The following TAF1B variants were observed in gnomAD, a reference collection of about 807,000 sequenced individuals.
TAF1B encodes TATA-box binding protein associated factor, RNA polymerase I subunit B.
A neutral mutation model predicts 83.9 loss-of-function variants in TAF1B; 61 were observed. The ratio of observed to expected loss-of-function variants is 0.73; its 90% CI spans 0.59 to 0.90. The LOEUF (loss-of-function observed/expected upper bound fraction) is 0.90. Ranked by LOEUF, TAF1B falls within the 40% of genes least tolerant of loss-of-function variation. The probability of loss-of-function intolerance (pLI) is 0.00; values close to 1 mark genes in which losing one functional copy is unlikely to be tolerated. For synonymous variants in TAF1B, 221 were observed against 224.6 expected (o/e 0.98, Z 0.14); for missense variants, 625 against 677.0 (o/e 0.92, Z 0.85).
intron 9 of TAF1B, among the ~76,000 whole-genome samples, chr2:9,907,461 G>A (rs749206523): frequency 1.1e-4 from 16 of 152,042 alleles, no homozygotes; most frequent in South Asian, 4.2e-4. Flanking sequence ...AGCTAAAAGC[G>A]GTTTTAAACA....
intron 6 of TAF1B, among the ~76,000 whole-genome samples, chr2:9,872,011 G>A (rs1397220235): frequency 6.6e-6 from 1 of 152,126 alleles, no homozygotes; most frequent in Admixed American, 6.5e-5. Context: ...GGCATCACTT[G>A]GCTGCATGGA....
At position 9,882,813 on chromosome 2, in the gene TAF1B, A is replaced by G. The variant is rs918901569; in HGVS notation, c.807+8A>G. On this transcript the variant is annotated splice_region_variant and intron_variant, in intron 8 of 14. Transcript: ENST00000263663. Reference sequence around the variant, plus strand: ...GGAATCTTTGGTATAGAGGTAAGTTATTTTCTTTTTTACTTTCTAGTCTCT... The same window carrying G: ...GGAATCTTTGGTATAGAGGTAAGTTGTTTTCTTTTTTACTTTCTAGTCTCT... The G allele has an allele frequency of 1.9e-6, 3 of 1,577,146 alleles. No individual in the cohort carries two copies. In the African/African-American group the frequency reaches 4.1e-5, roughly 21 times the overall value.
Position 9,849,409 on chromosome 2 carries a change from A to G in TAF1B, c.154A>G (p.Asn52Asp). ...AGTTACAAACACTGATCTTATTCCT[A>G]ATACCCAAATAAAAGCCCTCAACCG... The part of the protein sequence containing the change: ...QEVTNTDLIP[N>D]TQIKALNRGL... Residue 52 changes from asparagine to aspartate, a missense_variant, in exon 3 of 15, where the codon AAT becomes GAT. Coordinates refer to ENST00000263663, the MANE Select transcript of TAF1B (RefSeq NM_005680.3). 1.3e-6 allele frequency: 2 copies of G among 1,597,840 alleles called. No homozygotes were observed. The highest frequency in any genetic ancestry group is 1.7e-5 in the Admixed American group (1 of 57,404).
rs1362133538 is a variant in TAF1B, at chr2:9,905,372, CATT to C, written c.955+374_955+376del. On this transcript the variant is annotated intron_variant, in intron 9 of 14. Coordinates refer to ENST00000263663, the MANE Select transcript of TAF1B (RefSeq NM_005680.3). ...ACGGCACTTTTTAATTTGCATGAGG[CATT>C]ATTATTACATAATGAATTCTAATTT... Among the ~76,000 whole-genome samples the C allele has an allele frequency of 5.3e-5, 8 of 152,222 alleles. No individual in the cohort carries two copies. In the East Asian group the frequency reaches 1.5e-3, roughly 29 times the overall value.
At chr2:9,897,610 G>A (rs1337007744) in intron 8 of TAF1B, among the ~76,000 whole-genome samples, 1 of 152,180 alleles carries the variant, frequency 6.6e-6, no homozygotes, top group East Asian at 1.9e-4. Flanking sequence ...ATTTTGCTTG[G>A]AGCAATCTTA....
chr2:9,912,624 G>A (rs1028048541), intron 11 of TAF1B, among the ~76,000 whole-genome samples: 8 of 152,304 alleles, frequency 5.3e-5, no homozygotes, highest in Non-Finnish European at 8.8e-5. Flanking sequence ...CTCCCTGTAA[G>A]CCTCAAAATA....
chr2:9,852,133 C>G (rs1663416023), intron 4 of TAF1B: 1 of 425,260 alleles, frequency 2.4e-6, no homozygotes, highest in African/African-American at 2.0e-5. Context: ...GAAAAAACAC[C>G]AATCACTGGA....
chr2:9,931,220 C>G (rs1418585385), intron 14 of TAF1B, among the ~76,000 whole-genome samples: 2 of 152,224 alleles, frequency 1.3e-5, no homozygotes, highest in Non-Finnish European at 2.9e-5. Flanking sequence ...ATGATGTTAG[C>G]TGGTTATTTT....
At chr2:9,855,700 A>G (rs1663542738) in intron 5 of TAF1B, among the ~76,000 whole-genome samples, 1 of 152,140 alleles carries the variant, frequency 6.6e-6, no homozygotes, top group Non-Finnish European at 1.5e-5. Context: ...AAGAAAATGC[A>G]TTTAATATAC....
intron 14 of TAF1B, among the ~76,000 whole-genome samples, chr2:9,931,508 T>C (rs1666211080): frequency 6.6e-6 from 1 of 152,244 alleles, no homozygotes; most frequent in South Asian, 2.1e-4. Context: ...CGCTTTCTTC[T>C]GGCTTGTAGA....
At chr2:9,929,129 G>A (rs983753911) in intron 14 of TAF1B, among the ~76,000 whole-genome samples, 6 of 142,670 alleles carry the variant, frequency 4.2e-5, no homozygotes, top group Non-Finnish European at 7.6e-5. Flanking sequence ...AGGTGGTTTT[G>A]TCATTGGTTC....
rs1414003584 is a variant in TAF1B at position 9,910,827 on chromosome 2, A to C, written c.1047A>C (p.Ala349=). The C allele has an allele frequency of 1.2e-5, 20 of 1,613,744 alleles. No homozygotes were observed. The highest frequency in any genetic ancestry group is 1.7e-5 in the Non-Finnish European group (20 of 1,179,770). Residue 349 remains alanine, a synonymous_variant, in exon 10 of 15, where the codon GCA becomes GCC. Coordinates refer to ENST00000263663, the MANE Select transcript of TAF1B (RefSeq NM_005680.3). The part of the protein sequence containing the change: ...FLTFDPIAKM[A]KTVKYDVQAV... The stretch of plus-strand genomic sequence containing the variant: ...CATTTGATCCTATAGCTAAAATGGC[A>C]AAAACTGTTAAGTACGATGTACAAG...
intron 8 of TAF1B, among the ~76,000 whole-genome samples, chr2:9,899,893 A>T (rs908104019): frequency 1.3e-5 from 2 of 152,184 alleles, no homozygotes; most frequent in East Asian, 3.9e-4. Context: ...GCATTGTACT[A>T]TGAATATTTT....
rs186633446 is a variant in TAF1B, at chr2:9,928,383, C to T, written c.1566-5400C>T. ...GTTCCATATGAACTTTAGTTTTTTC[C>T]AGTTCTGTGAAGAAAGTCATTGGTA... On this transcript the variant is annotated intron_variant, in intron 14 of 14. Transcript: ENST00000263663. Among the ~76,000 whole-genome samples the T allele has an allele frequency of 2.5e-3, 385 of 152,122 alleles. 3 individuals carry two copies. The highest frequency in any genetic ancestry group is 9.0e-3 in the African/African-American group (373 of 41,492).
At chr2:9,933,640 C>T (rs1194274254) in intron 14 of TAF1B, 143 bp from the exon 15 acceptor site, 3 of 660,262 alleles carry the variant, frequency 4.5e-6, no homozygotes, top group Non-Finnish European at 7.6e-6. Context: ...ACAAATTCTT[C>T]TAAGTTTCCT....
At chr2:9,917,003 T>G (rs1277097834) in intron 12 of TAF1B, among the ~76,000 whole-genome samples, 3 of 152,016 alleles carry the variant, frequency 2.0e-5, no homozygotes, top group Non-Finnish European at 4.4e-5. Context: ...TGTGCCACCA[T>G]GCCCAACTAA....
rs1327398359 is a variant in TAF1B, at chr2:9,846,626, C to A, written c.117+1308C>A. Among the ~76,000 whole-genome samples the A allele has an allele frequency of 2.0e-5, 3 of 152,344 alleles. No individual in the cohort carries two copies. The East Asian group carries it at 5.8e-4, about 29-fold the overall frequency. Reference sequence around the variant, plus strand: ...AAATGAGTAAAAGGAAAAACATTTTCCCTTGACAAAACTGGTGAATTGAGC... The same window carrying A: ...AAATGAGTAAAAGGAAAAACATTTTACCTTGACAAAACTGGTGAATTGAGC... On this transcript the variant is annotated intron_variant, in intron 2 of 14. Coordinates refer to ENST00000263663, the MANE Select transcript of TAF1B (RefSeq NM_005680.3).
intron 8 of TAF1B, among the ~76,000 whole-genome samples, chr2:9,895,160 A>G (rs944621018): frequency 1.3e-5 from 2 of 152,260 alleles, no homozygotes; most frequent in African/African-American, 4.8e-5. Context: ...ACATAAAGCA[A>G]TGTGTTCACC....
At chr2:9,907,187 CTGT>C (rs1446644553) in intron 9 of TAF1B, among the ~76,000 whole-genome samples, 1 of 98,484 alleles carries the variant, frequency 1.0e-5, no homozygotes, top group Non-Finnish European at 2.7e-5. Flanking sequence ...CAAGCCTGGC[CTGT>C]TTTTTTTTTT....
Sources: allele counts gnomAD v4.1 joint callset (sites outside exome capture counted in the v4.1 genomes callset), GRCh38; gene constraint gnomAD v4.1.1; transcripts MANE v1.5; gene names NCBI Gene and HGNC (gene_info 2026-07-23, HGNC 2026-07-21).